Variants in PLAC1 observed in about 807,000 individuals in gnomAD.
PLAC1 encodes placenta associated 1.
For missense variants in PLAC1, 136 were observed against 163.2 expected (o/e 0.83, Z 0.91); for synonymous variants, 68 against 62.1 (o/e 1.09, Z -0.44).
chrX:134,760,075 C>T (rs2078766154), intron 1 of PLAC1: 1 of 111,987 alleles, frequency 8.9e-6, no homozygotes, highest in Non-Finnish European at 1.9e-5. Context: ...ACCCTAAATA[C>T]TCTGACTTCA....
intron 2 of PLAC1, among the ~76,000 whole-genome samples, chrX:134,691,663 A>G (rs975630282): frequency 1.8e-5 from 2 of 111,995 alleles, no homozygotes; most frequent in African/African-American, 6.5e-5. Flanking sequence ...CTGGAAATGT[A>G]AACACACCTG....
chrX:134,707,423 T>G (rs2078608610), intron 2 of PLAC1, among the ~76,000 whole-genome samples: 1 of 112,348 alleles, frequency 8.9e-6, no homozygotes, highest in Non-Finnish European at 1.9e-5. Flanking sequence ...TCATTTACAT[T>G]AGGTATTTCT....
chrX:134,731,248 C>T (rs2078688129), intron 2 of PLAC1, among the ~76,000 whole-genome samples: 1 of 111,960 alleles, frequency 8.9e-6, no homozygotes, highest in Non-Finnish European at 1.9e-5. Context: ...TATGCCCGAG[C>T]ATCAGTTTGT....
rs1430476927 is a variant in PLAC1 at position 134,566,356 on chromosome X, A to C, written c.327T>G (p.Phe109Leu). 8.3e-7 allele frequency: 1 copy of C among 1,211,703 alleles called. No individual in the cohort carries two copies. The highest frequency in any genetic ancestry group is 3.0e-5 in the East Asian group (1 of 33,852). The change falls in exon 3 of 3, where the codon TTT becomes TTG. Residue 109 changes from phenylalanine (F) to leucine (L), a missense_variant. Physicochemically the swap from Phe to Leu is conservative, Grantham distance 22. Coordinates refer to ENST00000359237, the MANE Select transcript of PLAC1 (RefSeq NM_021796.4). ...GGGCAGCACATGACACTGGGATCAC[A>C]AACTTAGATGGCGTGCCCTTAGAAG... is the stretch of plus-strand genomic sequence containing the variant. Reference protein sequence around the residue: ...HYSSKGTPSKFVIPVSCAAPQ... With the variant: ...HYSSKGTPSKLVIPVSCAAPQ...
At position 134,762,204 on chromosome X, in the gene PLAC1, C is replaced by A. The variant is rs750440199; in HGVS notation, n.89+2030G>T. On this transcript the variant is annotated intron_variant and non_coding_transcript_variant, in intron 1 of 2. Coordinates refer to the PLAC1 transcript ENST00000466797. ...TCCAGAACTGTTGAGGCACCCCCCC[C>A]CCAATGACCACTTCCAGTCATTCAC... Among the ~76,000 whole-genome samples, 12 of 107,113 alleles carry A rather than the reference C, an allele frequency of 1.1e-4. No homozygotes were observed. The South Asian group carries it at 1.3e-3, about 12-fold the overall frequency. The allele number at this position is 107,113 out of a possible 115,157, so 93.0% of individuals were successfully genotyped here. A position where few individuals can be genotyped will look rare whatever the true frequency, so the allele number is the denominator to read the frequency against.
At chrX:134,721,889 A>T (rs1354795330) in intron 2 of PLAC1, among the ~76,000 whole-genome samples, 1 of 111,468 alleles carries the variant, frequency 9.0e-6, no homozygotes, top group African/African-American at 3.3e-5. Flanking sequence ...AAAATAAAAA[A>T]AGGCAGATAA....
chrX:134,567,087 G>C (rs2124342616), intron 2 of PLAC1, among the ~76,000 whole-genome samples: 1 of 112,421 alleles, frequency 8.9e-6, no homozygotes, highest in South Asian at 3.7e-4. Flanking sequence ...AGAGATAGGA[G>C]ATAGAGTTTA....
chrX:134,663,698 T>A (rs2078425371), intron 2 of PLAC1, among the ~76,000 whole-genome samples: 1 of 112,681 alleles, frequency 8.9e-6, no homozygotes, highest in Admixed American at 9.4e-5. Flanking sequence ...GGGGAGGCTG[T>A]CTAGTCCTTG....
chrX:134,738,525 C>A (rs1035140165), intron 1 of PLAC1, among the ~76,000 whole-genome samples: 4 of 111,989 alleles, frequency 3.6e-5, no homozygotes, highest in African/African-American at 1.3e-4. Flanking sequence ...TTCCAGCCCC[C>A]CTGGACCCAG....
intron 2 of PLAC1, among the ~76,000 whole-genome samples, chrX:134,721,865 AAAAAAT>A (rs2078658916): frequency 9.0e-6 from 1 of 111,209 alleles, no homozygotes; most frequent in Admixed American, 9.6e-5. Flanking sequence ...TCCGTCTCAA[AAAAAAT>A]AAAAATAAAA....
chrX:134,632,455 T>A (rs2078266780), intron 1 of PLAC1, among the ~76,000 whole-genome samples: 1 of 111,206 alleles, frequency 9.0e-6, no homozygotes, highest in Admixed American at 9.5e-5. Flanking sequence ...ACATCAGACA[T>A]CCTCCCTTCT....
At chrX:134,610,188 G>A (rs925972772) in intron 1 of PLAC1, among the ~76,000 whole-genome samples, 1 of 111,212 alleles carries the variant, frequency 9.0e-6, no homozygotes, top group Non-Finnish European at 1.9e-5. Flanking sequence ...ATGTTGGCCA[G>A]GCTGGTCTTG....
chrX:134,637,214 C>T (rs1168787226), intron 1 of PLAC1, among the ~76,000 whole-genome samples: 1 of 111,581 alleles, frequency 9.0e-6, no homozygotes, highest in African/African-American at 3.3e-5. Flanking sequence ...CCGCTGCACC[C>T]AGGGGTGTGT....
chrX:134,639,274 T>C (rs1470672132), intron 1 of PLAC1, among the ~76,000 whole-genome samples: 2 of 112,009 alleles, frequency 1.8e-5, no homozygotes, highest in African/African-American at 6.5e-5. Context: ...TCTTTGATAT[T>C]TGGGGTTTCT....
Position 134,669,851 on chromosome X carries a change from T to C in PLAC1, n.174+63584A>G, listed in dbSNP as rs780972033. Among the ~76,000 whole-genome samples the C allele has an allele frequency of 1.2e-4, 13 of 111,984 alleles. No individual in the cohort carries two copies. In the South Asian group the frequency reaches 4.8e-3, roughly 42 times the overall value. ...CGGCTACTCTCCCCGAAGTCTCCTG[T>C]TTCTCCCTCTGAGTCAGGCCAGTCT... is the stretch of plus-strand genomic sequence containing the variant. On this transcript the variant is annotated intron_variant and non_coding_transcript_variant, in intron 2 of 2. Transcript: ENST00000466797.
At chrX:134,750,811 A>AT (rs2078739467) in intron 1 of PLAC1, among the ~76,000 whole-genome samples, 1 of 54,652 alleles carries the variant, frequency 1.8e-5, no homozygotes, top group Non-Finnish European at 2.8e-5. Flanking sequence ...ACAAAAAAAA[A>AT]AATATATATA....
At position 134,656,987 on chromosome X, in the gene PLAC1, C is replaced by T. The variant is rs1352192916; in HGVS notation, c.-131+1341G>A. On this transcript the variant is annotated intron_variant, in intron 1 of 2. Coordinates refer to ENST00000359237, the MANE Select transcript of PLAC1 (RefSeq NM_021796.4). ...GCAGGAGTAGATCTACCCATTGTTT[C>T]TCCTAGAGCCTGTTAGAGAGCTAGT... is the stretch of plus-strand genomic sequence containing the variant. 1.2e-4 allele frequency among the ~76,000 whole-genome samples: 13 copies of T among 111,585 alleles called. No homozygotes were observed. The Admixed American group carries it at 1.2e-3, about 11-fold the overall frequency.
chrX:134,730,843 G>T (rs2078686931), intron 2 of PLAC1, among the ~76,000 whole-genome samples: 1 of 111,687 alleles, frequency 9.0e-6, no homozygotes, highest in Non-Finnish European at 1.9e-5. Flanking sequence ...AAAGGATGGA[G>T]CCGCCTCTTG....
chrX:134,737,743 C>A (rs971258553), intron 1 of PLAC1, among the ~76,000 whole-genome samples: 1 of 112,344 alleles, frequency 8.9e-6, no homozygotes, highest in African/African-American at 3.2e-5. Flanking sequence ...CTGAGGTCGA[C>A]GAAAAAGCTA....
Sources: gnomAD v4.1 joint callset for allele counts (sites outside exome capture counted in the v4.1 genomes callset) on GRCh38, gnomAD v4.1.1 for gene constraint, MANE v1.5 for transcripts, NCBI Gene and HGNC (gene_info 2026-07-23, HGNC 2026-07-21) for gene names.